The following FKTN variants were observed in gnomAD, a reference collection of about 807,000 sequenced individuals.
FKTN encodes ribitol-5-phosphate transferase FKTN.
In FKTN, 47 loss-of-function variants were observed where a neutral mutation model predicts 58.6. The observed-to-expected ratio is 0.80, with a 90% CI of 0.63 to 1.02. The LOEUF is 1.02. Ranked by LOEUF, FKTN falls within the 50% of genes least tolerant of loss-of-function variation. The pLI is 0.00. For synonymous variants in FKTN, 178 were observed against 191.9 expected, an observed-to-expected ratio of 0.93 and a Z score of 0.60; for missense variants, 516 against 537.3, an observed-to-expected ratio of 0.96 and a Z score of 0.39.
At chr9:105,577,591 G>C (rs770782377) in intron 3 of FKTN, among the ~76,000 whole-genome samples, 4,921 of 147,282 alleles carry the variant, frequency 0.033, 144 homozygotes, top group Non-Finnish European at 0.047. Flanking sequence ...ATAGTTTGAA[G>C]TCAGGTAGCG....
intron 10 of FKTN, among the ~76,000 whole-genome samples, chr9:105,621,777 T>C (rs967744499): frequency 2.0e-5 from 3 of 152,084 alleles, no homozygotes; most frequent in African/African-American, 4.8e-5. Context: ...TGCATTTTAT[T>C]CCATTGTATG....
chr9:105,618,225 G>C, intron 9 of FKTN, 133 bp downstream of exon 9: 1 of 796,046 alleles, frequency 1.3e-6, no homozygotes, highest in Admixed American at 2.0e-5. Flanking sequence ...GATGAGTTCA[G>C]CAGAAGCCTG....
At chr9:105,621,190 T>C (rs1375714815) in intron 10 of FKTN, among the ~76,000 whole-genome samples, 2 of 152,140 alleles carry the variant, frequency 1.3e-5, no homozygotes, top group Non-Finnish European at 2.9e-5. Flanking sequence ...AAATGAGCAG[T>C]GATAGAACTG....
intron 8 of FKTN, among the ~76,000 whole-genome samples, chr9:105,615,867 T>C (rs916661324): frequency 1.3e-5 from 2 of 152,230 alleles, no homozygotes; most frequent in Non-Finnish European, 2.9e-5. Context: ...AACAATACTA[T>C]AATAAAAGTT....
intron 3 of FKTN, among the ~76,000 whole-genome samples, chr9:105,581,918 T>G (rs537730698): frequency 1.3e-5 from 2 of 152,156 alleles, no homozygotes; most frequent in African/African-American, 4.8e-5. Context: ...CGGGTGGGAG[T>G]GACCCGATTT....
chr9:105,563,184 G>A (rs1202914767), intron 1 of FKTN, among the ~76,000 whole-genome samples: 1 of 152,238 alleles, frequency 6.6e-6, no homozygotes, highest in Non-Finnish European at 1.5e-5. Context: ...TTCCAAGATG[G>A]CCGAATAGGA....
Position 105,615,266 on chromosome 9 carries a change from T to C in FKTN, c.781-12T>C, listed in dbSNP as rs1418641361. 6.2e-7 allele frequency: 1 copy of C among 1,613,432 alleles called. No homozygotes were observed. The highest frequency in any genetic ancestry group is 2.2e-5 in the East Asian group (1 of 44,892). ...AATGGCTGTAATAGCTGACTATTTA[T>C]TATATCTGTAGCAGTACCTTGATGA... On this transcript the variant is annotated splice_polypyrimidine_tract_variant and intron_variant, in intron 7 of 10. Transcript: ENST00000357998.
intron 3 of FKTN, among the ~76,000 whole-genome samples, chr9:105,576,163 ATTAAT>A (rs1324084894): frequency 2.1e-5 from 3 of 143,208 alleles, no homozygotes; most frequent in Admixed American, 7.0e-5. Flanking sequence ...TTTTTTTTTA[ATTAAT>A]TTATTTTTTT....
chr9:105,615,200 A>T (rs1247715411), intron 7 of FKTN, 78 bp from the exon 8 acceptor site: 12 of 1,523,318 alleles, frequency 7.9e-6, no homozygotes, highest in Non-Finnish European at 1.1e-5. Context: ...TAATTTTCAA[A>T]TTTAATTCAG....
At chr9:105,623,329 A>AT (rs1192144729) in intron 10 of FKTN, 2 of 152,120 alleles carry the variant, frequency 1.3e-5, no homozygotes, top group African/African-American at 2.4e-5. Flanking sequence ...TATAAAGGAG[A>AT]TTTTATCATC....
intron 2 of FKTN, among the ~76,000 whole-genome samples, chr9:105,574,001 C>T (rs779502093): frequency 1.3e-5 from 2 of 152,028 alleles, no homozygotes; most frequent in Non-Finnish European, 2.9e-5. Flanking sequence ...ATCAGTCATA[C>T]AGTAGATGAA....
chr9:105,592,435 G>A (rs1160169618), intron 3 of FKTN, among the ~76,000 whole-genome samples: 5 of 152,038 alleles, frequency 3.3e-5, no homozygotes, highest in South Asian at 2.1e-4. Context: ...TCAGGAGTTC[G>A]AGATCAGCCT....
At chr9:105,559,953 T>C (rs1837980986) in intron 1 of FKTN, among the ~76,000 whole-genome samples, 1 of 152,114 alleles carries the variant, frequency 6.6e-6, no homozygotes. Flanking sequence ...AGGAGTTCTT[T>C]TTAAAAAAGT....
intron 7 of FKTN, among the ~76,000 whole-genome samples, 158 bp from the exon 8 acceptor site, chr9:105,615,120 G>A (rs1490278073): frequency 6.6e-6 from 1 of 152,188 alleles, no homozygotes; most frequent in Non-Finnish European, 1.5e-5. Context: ...CTGACCCCAA[G>A]TGATCCACCT....
chr9:105,581,199 G>A (rs1023624009), intron 3 of FKTN, among the ~76,000 whole-genome samples: 3 of 149,694 alleles, frequency 2.0e-5, no homozygotes, highest in South Asian at 4.2e-4. Flanking sequence ...GCTTTGTTCC[G>A]TTGCTGGTGA....
At chr9:105,579,373 T>G in intron 3 of FKTN, among the ~76,000 whole-genome samples, 1 of 152,180 alleles carries the variant, frequency 6.6e-6, no homozygotes, top group East Asian at 1.9e-4. Context: ...GTGTCTTTGT[T>G]CTCGTTGGTT....
Position 105,640,778 on chromosome 9 carries a change from T to C in FKTN, c.*5514T>C, listed in dbSNP as rs1408570722. ...TTGCTATTGGAAATGAAATATTGTT[T>C]CATGCACCTTTGAAAAAAATAACAG... On this transcript the variant is annotated 3_prime_UTR_variant, in exon 11 of 11. Transcript: ENST00000357998. 1 of 152,172 alleles carries C rather than the reference T, an allele frequency of 6.6e-6. No homozygotes were observed. Among genetic ancestry groups the C allele is most frequent in the Admixed American group, 6.6e-5 (1 of 15,266 alleles). 9.4% of individuals were successfully genotyped at this position (152,172 alleles called of 1,614,324 possible). A position where few individuals can be genotyped will look rare whatever the true frequency, so the allele number is the denominator to read the frequency against.
chr9:105,570,357 A>T (rs1394018092), intron 1 of FKTN, among the ~76,000 whole-genome samples: 1 of 152,202 alleles, frequency 6.6e-6, no homozygotes, highest in Admixed American at 6.5e-5. Flanking sequence ...AATAGAAACT[A>T]GTAAAAGCCT....
intron 3 of FKTN, among the ~76,000 whole-genome samples, chr9:105,577,174 T>G (rs920644507): frequency 3.3e-5 from 5 of 150,874 alleles, no homozygotes; most frequent in Non-Finnish European, 5.9e-5. Flanking sequence ...TTATTTTAAT[T>G]AGATCCCATT....
Sources: allele counts gnomAD v4.1 joint callset (sites outside exome capture counted in the v4.1 genomes callset), GRCh38; gene constraint gnomAD v4.1.1; transcripts MANE v1.5; gene names NCBI Gene and HGNC (gene_info 2026-07-23, HGNC 2026-07-21).